Variants in SPHKAP observed in about 807,000 individuals in gnomAD.
The protein encoded by SPHKAP is A-kinase anchor protein SPHKAP.
Under a neutral mutation model 137.5 loss-of-function variants are expected in SPHKAP, and 67 were observed. The observed-to-expected ratio is 0.49, with a 90% CI of 0.40 to 0.60. SPHKAP has a LOEUF of 0.60. SPHKAP is among the 20% of genes least tolerant of loss of function. The probability of loss-of-function intolerance (pLI) is 0.00; values close to 1 mark genes in which losing one functional copy is unlikely to be tolerated. For synonymous variants in SPHKAP, 813 were observed against 785.3 expected (o/e 1.04, Z -0.59); for missense variants, 2,097 against 2,069.3 (o/e 1.01, Z -0.26).
In SPHKAP at chr2:228,043,366, G is replaced by A. The variant is rs572524237; in HGVS notation, c.247-15823C>T. 5.9e-5 allele frequency among the ~76,000 whole-genome samples: 9 copies of A among 152,204 alleles called. No homozygotes were observed. The East Asian group carries it at 1.4e-3, about 23-fold the overall frequency. On this transcript the variant is annotated intron_variant, in intron 3 of 11. Coordinates refer to ENST00000392056, the MANE Select transcript of SPHKAP (RefSeq NM_001142644.2). ...TTTTGAGATGGAGTCTCGCTTTGTCGCCCAGGCTGGAGTGCAGTGGCACGA... is the reference window on the plus strand; with the variant it reads ...TTTTGAGATGGAGTCTCGCTTTGTCACCCAGGCTGGAGTGCAGTGGCACGA...
intron 3 of SPHKAP, among the ~76,000 whole-genome samples, chr2:228,063,381 G>T (rs567853649): frequency 1.5e-4 from 23 of 152,136 alleles, no homozygotes; most frequent in Non-Finnish European, 2.5e-4. Flanking sequence ...TGCATAAAGA[G>T]AGAGGGTGAA....
intron 11 of SPHKAP, among the ~76,000 whole-genome samples, chr2:227,990,076 A>C (rs1163425233): frequency 6.6e-6 from 1 of 152,244 alleles, no homozygotes; most frequent in Admixed American, 6.5e-5. Flanking sequence ...GCAGGGAAAC[A>C]GGACCTCAGT....
intron 3 of SPHKAP, among the ~76,000 whole-genome samples, chr2:228,035,594 A>G (rs1476170765): frequency 6.6e-6 from 1 of 152,244 alleles, no homozygotes; most frequent in African/African-American, 2.4e-5. Flanking sequence ...AGCCAAAGGA[A>G]CAAAGCTGGA....
At chr2:228,168,395 A>G (rs4337464) in intron 1 of SPHKAP, among the ~76,000 whole-genome samples, 19,462 of 152,172 alleles carry the variant, frequency 0.13, 1,267 homozygotes, top group East Asian at 0.2. Flanking sequence ...TCATTTTTCC[A>G]AACAACATGT....
chr2:228,141,652 T>C (rs1574888861), intron 1 of SPHKAP, among the ~76,000 whole-genome samples: 1 of 152,150 alleles, frequency 6.6e-6, no homozygotes, highest in East Asian at 1.9e-4. Context: ...TTTTTTTAAA[T>C]CCAAGAGAAC....
At chr2:227,996,012 A>T in intron 7 of SPHKAP, 1 of 985,422 alleles carries the variant, frequency 1.0e-6, no homozygotes, top group Non-Finnish European at 1.2e-6. Context: ...TAAAAAGAAG[A>T]TACACAAAGC....
intron 1 of SPHKAP, among the ~76,000 whole-genome samples, chr2:228,166,751 A>G (rs76692023): frequency 0.044 from 6,659 of 152,234 alleles, 229 homozygotes; most frequent in Non-Finnish European, 0.062. Flanking sequence ...TATTATGGTT[A>G]TTGTATCATT....
At chr2:228,119,471 ACTCTCTCTCT>A (rs58155215) in intron 2 of SPHKAP, among the ~76,000 whole-genome samples, 2 of 148,462 alleles carry the variant, frequency 1.3e-5, no homozygotes, top group African/African-American at 5.0e-5. Flanking sequence ...ACACACACAC[ACTCTCTCTCT>A]CTCTCTCTCT....
chr2:228,153,752 C>T (rs1435451517), intron 1 of SPHKAP, among the ~76,000 whole-genome samples: 1 of 152,030 alleles, frequency 6.6e-6, no homozygotes, highest in Admixed American at 6.6e-5. Flanking sequence ...TAGTCATTTT[C>T]AGCAAGAGGA....
chr2:228,136,301 C>G (rs139157952), intron 1 of SPHKAP, among the ~76,000 whole-genome samples: 2 of 152,030 alleles, frequency 1.3e-5, no homozygotes, highest in African/African-American at 4.8e-5. Flanking sequence ...ATGCTGAAAC[C>G]GTTAAGTGTG....
chr2:228,098,612 TG>T (rs556048305), intron 3 of SPHKAP, among the ~76,000 whole-genome samples: 1 of 147,120 alleles, frequency 6.8e-6, no homozygotes, highest in South Asian at 2.2e-4. Flanking sequence ...GGGCCTGTTG[TG>T]GGGTGGTGGG....
chr2:228,005,510 C>G (rs1433018612), intron 7 of SPHKAP, among the ~76,000 whole-genome samples: 6 of 152,104 alleles, frequency 3.9e-5, no homozygotes, highest in Non-Finnish European at 4.4e-5. Flanking sequence ...TCCAATTTGC[C>G]AGTCTGTGTC....
chr2:228,012,188 A>G (rs899567123), intron 7 of SPHKAP, among the ~76,000 whole-genome samples: 3 of 105,380 alleles, frequency 2.8e-5, no homozygotes, highest in Middle Eastern at 4.4e-3. Context: ...AAAAAAAAAA[A>G]GAAAGAAAGA....
At chr2:228,169,048 G>A (rs531964326) in intron 1 of SPHKAP, among the ~76,000 whole-genome samples, 41 of 151,684 alleles carry the variant, frequency 2.7e-4, no homozygotes, top group Admixed American at 1.3e-3. Context: ...ATTCTATGAA[G>A]TTTGGAAGAG....
At chr2:228,122,366 C>G (rs189781967) in intron 2 of SPHKAP, among the ~76,000 whole-genome samples, 1 of 152,180 alleles carries the variant, frequency 6.6e-6, no homozygotes, top group Admixed American at 6.5e-5. Flanking sequence ...AAATGATGCT[C>G]AAGGAACTGA....
chr2:228,103,838 T>G (rs1410753206), intron 3 of SPHKAP, among the ~76,000 whole-genome samples: 1 of 152,192 alleles, frequency 6.6e-6, no homozygotes, highest in Non-Finnish European at 1.5e-5. Flanking sequence ...CCTGCAGGTC[T>G]GGGTTCAATC....
At chr2:228,039,216 G>A (rs4464263) in intron 3 of SPHKAP, among the ~76,000 whole-genome samples, 120,931 of 152,214 alleles carry the variant, frequency 0.79, 48,567 homozygotes, top group African/African-American at 0.92. Context: ...GAAAGAACAC[G>A]AGCACTTCTT....
chr2:228,089,195 GAA>G (rs1335775829), intron 3 of SPHKAP, among the ~76,000 whole-genome samples: 1 of 152,200 alleles, frequency 6.6e-6, no homozygotes, highest in Non-Finnish European at 1.5e-5. Context: ...ATGCAAATAA[GAA>G]AGTTATTGGG....
intron 3 of SPHKAP, among the ~76,000 whole-genome samples, chr2:228,092,576 T>C (rs1325509634): frequency 7.0e-6 from 1 of 143,326 alleles, no homozygotes; most frequent in Non-Finnish European, 1.5e-5. Flanking sequence ...TATATATGTG[T>C]ATATTATATG....
Sources: gnomAD v4.1 joint callset for allele counts (sites outside exome capture counted in the v4.1 genomes callset) on GRCh38, gnomAD v4.1.1 for gene constraint, MANE v1.5 for transcripts, NCBI Gene and HGNC (gene_info 2026-07-23, HGNC 2026-07-21) for gene names.